NEBL: variants seen among roughly 807,000 people sequenced by gnomAD.
The protein encoded by NEBL is nebulette, also known as LIM and SH3 protein 2.
In NEBL, 122 loss-of-function variants were observed where a neutral mutation model predicts 140.2. That is an observed-to-expected ratio of 0.87 (90% confidence interval 0.75 to 1.01). The LOEUF (loss-of-function observed/expected upper bound fraction) is 1.01, where lower values mean the gene tolerates loss of function less well. Ranked by LOEUF, NEBL falls within the 50% of genes least tolerant of loss-of-function variation. NEBL has a pLI of 0.00. For missense variants in NEBL, 1,365 were observed against 1,231.3 expected (o/e 1.11, Z -1.62); for synonymous variants, 436 against 398.9 (o/e 1.09, Z -1.11).
intron 12 of NEBL, among the ~76,000 whole-genome samples, chr10:20,843,462 A>G (rs755181452): frequency 4.6e-5 from 7 of 151,960 alleles, no homozygotes; most frequent in Non-Finnish European, 8.8e-5. Context: ...GAAAAAGGCA[A>G]TGGCACATAG....
chr10:21,168,526 C>G (rs971356960), intron 2 of NEBL, among the ~76,000 whole-genome samples: 1 of 151,940 alleles, frequency 6.6e-6, no homozygotes, highest in South Asian at 2.1e-4. Context: ...CTGATTGGAT[C>G]CTGGCTTTTA....
At chr10:21,276,892 C>G (rs917372372) in intron 1 of NEBL, among the ~76,000 whole-genome samples, 1 of 152,014 alleles carries the variant, frequency 6.6e-6, no homozygotes, top group African/African-American at 2.4e-5. Flanking sequence ...TCACGTGAAC[C>G]TGAGAGGCGG....
intron 1 of NEBL, among the ~76,000 whole-genome samples, chr10:21,277,829 C>G (rs1588592435): frequency 6.8e-6 from 1 of 147,364 alleles, no homozygotes; most frequent in Non-Finnish European, 1.5e-5. Context: ...TTCTTTCTTT[C>G]TTTTTTAAGA....
intron 1 of NEBL, among the ~76,000 whole-genome samples, chr10:21,280,191 A>AAATG (rs1191932978): frequency 6.6e-6 from 1 of 152,104 alleles, no homozygotes; most frequent in Admixed American, 6.5e-5. Context: ...CCCTATAGCA[A>AAATG]AATGGAACCA....
At chr10:20,937,021 C>G (rs894454448) in intron 4 of NEBL, among the ~76,000 whole-genome samples, 3 of 152,174 alleles carry the variant, frequency 2.0e-5, no homozygotes, top group African/African-American at 7.2e-5. Flanking sequence ...AATACCACCA[C>G]TTTGCTTTCG....
chr10:21,032,240 T>C (rs1196016188), intron 2 of NEBL, among the ~76,000 whole-genome samples: 1 of 152,218 alleles, frequency 6.6e-6, no homozygotes, highest in African/African-American at 2.4e-5. Flanking sequence ...AGAGACATTT[T>C]AAGATAATAC....
At chr10:21,017,823 T>C (rs1055914680) in intron 3 of NEBL, among the ~76,000 whole-genome samples, 72 of 141,556 alleles carry the variant, frequency 5.1e-4, no homozygotes, top group African/African-American at 1.4e-3. Flanking sequence ...ATTCTTCTCT[T>C]TTTTTTTTTT....
intron 1 of NEBL, among the ~76,000 whole-genome samples, chr10:21,292,249 G>C (rs1843154450): frequency 1.3e-5 from 2 of 152,136 alleles, no homozygotes; most frequent in Admixed American, 1.3e-4. Context: ...TGCTTCCCAA[G>C]ATCACGTTTT....
chr10:20,828,394 T>G lies in NEBL; in HGVS notation c.1776+136A>C, dbSNP rs886494807. The G allele has an allele frequency of 2.5e-5, 15 of 598,314 alleles. 1 individual carries two copies. The highest frequency in any genetic ancestry group is 4.0e-4 in the Middle Eastern group (1 of 2,476). The allele number at this position is 598,314 out of a possible 1,614,324, so 37.1% of individuals were successfully genotyped here. A position where few individuals can be genotyped will look rare whatever the true frequency, so the allele number is the denominator to read the frequency against. On this transcript the variant is annotated intron_variant, in intron 17 of 27. Coordinates refer to ENST00000377122, the MANE Select transcript of NEBL (RefSeq NM_006393.3). ...AAAATTATCAGTATTCTTATTATTT[T>G]AAAGAAATAAAGATAATACACTTGA...
chr10:21,287,357 A>G (rs1843070287), intron 1 of NEBL, among the ~76,000 whole-genome samples: 8 of 152,036 alleles, frequency 5.3e-5, no homozygotes, highest in Admixed American at 2.6e-4. Context: ...GCAACATGGT[A>G]AAACCCCATC....
chr10:20,868,806 TC>T, intron 6 of NEBL, 41 bp from the exon 7 acceptor site: 1 of 1,348,850 alleles, frequency 7.4e-7, no homozygotes, highest in Non-Finnish European at 1.1e-6. Context: ...ATTTCTACCC[TC>T]CAATGATGAA....
intron 4 of NEBL, among the ~76,000 whole-genome samples, chr10:20,960,982 T>C (rs927172954): frequency 5.9e-5 from 9 of 152,300 alleles, no homozygotes; most frequent in Middle Eastern, 3.4e-3. Context: ...ATATCTAACA[T>C]TGAATTAATT....
chr10:21,274,671 C>A (rs955198872), intron 1 of NEBL, among the ~76,000 whole-genome samples: 1 of 152,106 alleles, frequency 6.6e-6, no homozygotes, highest in African/African-American at 2.4e-5. Context: ...AGTGTTCCAC[C>A]CGACTTGGCC....
chr10:20,915,901 T>A (rs1848535746), intron 4 of NEBL, among the ~76,000 whole-genome samples: 2 of 152,194 alleles, frequency 1.3e-5, no homozygotes, highest in African/African-American at 4.8e-5. Flanking sequence ...AACCAAACAT[T>A]TATATCCAGG....
At chr10:21,282,547 T>C (rs748441139) in intron 1 of NEBL, among the ~76,000 whole-genome samples, 8 of 152,036 alleles carry the variant, frequency 5.3e-5, no homozygotes, top group African/African-American at 9.7e-5. Flanking sequence ...AAAAGAAGCA[T>C]TGATGACAGA....
At chr10:20,973,520 G>A (rs1409501254) in intron 3 of NEBL, among the ~76,000 whole-genome samples, 1 of 152,074 alleles carries the variant, frequency 6.6e-6, no homozygotes, top group Admixed American at 6.5e-5. Flanking sequence ...AATATGCTAG[G>A]ATTGTAGACA....
chr10:21,060,713 G>C (rs180762927), intron 2 of NEBL, among the ~76,000 whole-genome samples: 12 of 151,942 alleles, frequency 7.9e-5, no homozygotes, highest in Admixed American at 7.2e-4. Flanking sequence ...TAACTCCTCT[G>C]TTTCCATTCT....
intron 1 of NEBL, among the ~76,000 whole-genome samples, chr10:21,277,758 T>G (rs1029365790): frequency 1.3e-5 from 2 of 152,194 alleles, no homozygotes; most frequent in African/African-American, 4.8e-5. Flanking sequence ...CATGTTAACA[T>G]AGTCTTCCAG....
At chr10:20,969,539 CTT>C (rs1215089070) in intron 3 of NEBL, among the ~76,000 whole-genome samples, 1 of 131,280 alleles carries the variant, frequency 7.6e-6, no homozygotes, top group Non-Finnish European at 1.6e-5. Flanking sequence ...GACTTTTTTT[CTT>C]TTCTTTTTTT....
Sources: allele counts gnomAD v4.1 joint callset (sites outside exome capture counted in the v4.1 genomes callset), GRCh38; gene constraint gnomAD v4.1.1; transcripts MANE v1.5; gene names NCBI Gene and HGNC (gene_info 2026-07-23, HGNC 2026-07-21).